Variants in INPP5A observed in about 807,000 individuals in gnomAD.
INPP5A encodes the protein inositol polyphosphate-5-phosphatase A.
INPP5A carries 14 observed loss-of-function variants against 65.2 expected under a neutral mutation model. The ratio of observed to expected loss-of-function variants is 0.21; its 90% confidence interval spans 0.14 to 0.34. The LOEUF is 0.34. INPP5A is among the 10% of genes least tolerant of loss of function. The pLI, the probability that INPP5A is intolerant of heterozygous loss-of-function variation, is 1.00. For synonymous variants in INPP5A, 207 were observed against 208.3 expected (o/e 0.99, Z 0.05); for missense variants, 431 against 545.6 (o/e 0.79, Z 2.09).
At position 132,543,000 on chromosome 10, in the gene INPP5A, G is replaced by T. The variant is rs144896963; in HGVS notation, c.75+4829G>T. Among the ~76,000 whole-genome samples, 656 of 152,084 alleles carry T rather than the reference G, an allele frequency of 4.3e-3. 2 individuals carry two copies. The highest frequency in any genetic ancestry group is 0.015 in the African/African-American group (630 of 41,478). On this transcript the variant is annotated intron_variant, in intron 1 of 15. Transcript: ENST00000368594. ...TTATTTTTATTTTTTGTAGAGATGG[G>T]GTCTTGCTGTGTTGCCCAGACTGGG...
intron 4 of INPP5A, among the ~76,000 whole-genome samples, chr10:132,664,614 G>C (rs1590907033): frequency 6.6e-6 from 1 of 152,332 alleles, no homozygotes; most frequent in South Asian, 2.1e-4. Context: ...GGGTGGCTGG[G>C]CCTCTGAGTG....
Position 132,676,800 on chromosome 10 carries a change from C to G in INPP5A, c.307-13592C>G, listed in dbSNP as rs958428907. On this transcript the variant is annotated intron_variant, in intron 4 of 15. Coordinates refer to ENST00000368594, the MANE Select transcript of INPP5A (RefSeq NM_005539.5). This position sits in a 1 kb window ranked among gnomAD's most constrained non-coding sequence, Gnocchi z 4.0. ...CACTGACTGCTGGCTCTCACCTGCT[C>G]CTGTCTCTCCACAGTAGTAGCCTCA... 4.6e-5 allele frequency among the ~76,000 whole-genome samples: 7 copies of G among 152,218 alleles called. No individual in the cohort carries two copies. Among genetic ancestry groups the G allele is most frequent in the African/African-American group, 1.4e-4 (6 of 41,452 alleles).
At position 132,657,708 on chromosome 10, in the gene INPP5A, A is replaced by C. The variant is rs184451569; in HGVS notation, c.306+7203A>C. On this transcript the variant is annotated intron_variant, in intron 4 of 15. Coordinates refer to ENST00000368594, the MANE Select transcript of INPP5A (RefSeq NM_005539.5). ...AAGACTTTAGGGAGAATTTATGGAA[A>C]ATTGATGGAGTTTACGGATGTTCTT... 3.2e-3 allele frequency among the ~76,000 whole-genome samples: 490 copies of C among 152,340 alleles called. 1 individual carries two copies. The highest frequency in any genetic ancestry group is 0.011 in the African/African-American group (474 of 41,570).
intron 12 of INPP5A, 112 bp downstream of exon 12, chr10:132,765,958 G>A (rs1846834617): frequency 2.8e-6 from 2 of 723,784 alleles, no homozygotes; most frequent in Admixed American, 1.9e-5. Context: ...CTGGGCATGA[G>A]TGTGTGCATT....
Position 132,729,373 on chromosome 10 carries a change from A to T in INPP5A, c.732+2468A>T, listed in dbSNP as rs1181807405. Among the ~76,000 whole-genome samples, 3 of 152,114 alleles carry T rather than the reference A, an allele frequency of 2.0e-5. No individual in the cohort carries two copies. In the East Asian group the frequency reaches 5.8e-4, roughly 29 times the overall value. ...TCACTGTCAGCAGTGTTTTTTGATC[A>T]CCAAGATCAGTCCTATTTCTTAAAG... On this transcript the variant is annotated intron_variant, in intron 9 of 15. Transcript: ENST00000368594.
At chr10:132,780,472 G>A (rs567209115) in intron 13 of INPP5A, among the ~76,000 whole-genome samples, 9 of 152,372 alleles carry the variant, frequency 5.9e-5, no homozygotes, top group South Asian at 2.1e-4. Flanking sequence ...AAGCTGGGGC[G>A]CACACACTCC....
intron 8 of INPP5A, among the ~76,000 whole-genome samples, chr10:132,713,578 A>G (rs537880808): frequency 8.5e-5 from 13 of 152,060 alleles, no homozygotes; most frequent in African/African-American, 3.1e-4. Flanking sequence ...GTGGCCCCTT[A>G]TCCCCTCTGA....
Position 132,707,274 on chromosome 10 carries a change from A to G in INPP5A, c.475-1039A>G, listed in dbSNP as rs1845551575. On this transcript the variant is annotated intron_variant, in intron 6 of 15. Coordinates refer to ENST00000368594, the MANE Select transcript of INPP5A (RefSeq NM_005539.5). The surrounding 1 kb of genome is among the most constrained non-coding windows in gnomAD (Gnocchi z 5.5). The stretch of plus-strand genomic sequence containing the variant: ...GTCCACCTCCGCCCCCGATGGCGCC[A>G]GGCATATGGCTGCTGCTGGGAACGG... Among the ~76,000 whole-genome samples the G allele has an allele frequency of 6.6e-6, 1 of 152,136 alleles. No individual in the cohort carries two copies. Among genetic ancestry groups the G allele is most frequent in the Non-Finnish European group, 1.5e-5 (1 of 68,034 alleles).
chr10:132,669,580 G>A (rs1054811510), intron 4 of INPP5A, among the ~76,000 whole-genome samples: 4 of 152,174 alleles, frequency 2.6e-5, no homozygotes, highest in Admixed American at 1.3e-4. Context: ...GCTTAGCTGC[G>A]TCCTTGAAAG....
chr10:132,640,135 T>C lies in INPP5A; in HGVS notation c.118-5733T>C, dbSNP rs1441638408. Among the ~76,000 whole-genome samples the C allele has an allele frequency of 4.6e-5, 7 of 152,370 alleles. No homozygotes were observed. The East Asian group carries it at 5.8e-4, about 13-fold the overall frequency. ...ATTCCGATAACTCAGGGTTGTGTCC[T>C]GGTCATTGTGGATGCTGCGTTGTAT... On this transcript the variant is annotated intron_variant, in intron 2 of 15. Coordinates refer to ENST00000368594, the MANE Select transcript of INPP5A (RefSeq NM_005539.5).
Position 132,551,940 on chromosome 10 carries a change from G to C in INPP5A, c.75+13769G>C, listed in dbSNP as rs889969496. 6.6e-6 allele frequency among the ~76,000 whole-genome samples: 1 copy of C among 152,270 alleles called. No homozygotes were observed. The highest frequency in any genetic ancestry group is 2.4e-5 in the African/African-American group (1 of 41,476). On this transcript the variant is annotated intron_variant, in intron 1 of 15. Coordinates refer to ENST00000368594, the MANE Select transcript of INPP5A (RefSeq NM_005539.5). The surrounding 1 kb of genome is among the most constrained non-coding windows in gnomAD (Gnocchi z 5.3). The stretch of plus-strand genomic sequence containing the variant: ...ACCTGGCAGTACCCCCCACACAGGG[G>C]TCCAGGTGTCCTCTGATTCTGCTGT...
At chr10:132,624,480 G>A (rs1013549560) in intron 2 of INPP5A, among the ~76,000 whole-genome samples, 4 of 125,642 alleles carry the variant, frequency 3.2e-5, no homozygotes, top group East Asian at 2.4e-4. Flanking sequence ...ACTTCCCACC[G>A]GCGTGTCTGC....
chr10:132,617,555 A>T lies in INPP5A; in HGVS notation c.117+9599A>T, dbSNP rs1247516324. Among the ~76,000 whole-genome samples, 3 of 152,200 alleles carry T rather than the reference A, an allele frequency of 2.0e-5. No individual in the cohort carries two copies. The East Asian group carries it at 5.8e-4, about 29-fold the overall frequency. ...TGTTACCTGCTCGTGTGGCCAGTGC[A>T]GATCTTGAATCCTCAGACTGCAGGT... On this transcript the variant is annotated intron_variant, in intron 2 of 15. Transcript: ENST00000368594.
chr10:132,587,545 C>T lies in INPP5A; in HGVS notation c.76-20370C>T, dbSNP rs1019425768. On this transcript the variant is annotated intron_variant, in intron 1 of 15. Transcript: ENST00000368594. This position sits in a 1 kb window ranked among gnomAD's most constrained non-coding sequence, Gnocchi z 4.3. ...GAGCTGTTGGGACGCGGGGAGCAGGCGAAATTTCTGGGCCAATGTTTAAAC... is the reference window on the plus strand; with the variant it reads ...GAGCTGTTGGGACGCGGGGAGCAGGTGAAATTTCTGGGCCAATGTTTAAAC... 1.3e-5 allele frequency among the ~76,000 whole-genome samples: 2 copies of T among 152,170 alleles called. No homozygotes were observed. Among genetic ancestry groups the T allele is most frequent in the South Asian group, 2.1e-4 (1 of 4,832 alleles).
intron 4 of INPP5A, among the ~76,000 whole-genome samples, chr10:132,661,871 C>A (rs1386429243): frequency 6.6e-6 from 1 of 152,156 alleles, no homozygotes; most frequent in Admixed American, 6.5e-5. Flanking sequence ...TAGAAAGTGG[C>A]CCACTATTGA....
intron 1 of INPP5A, among the ~76,000 whole-genome samples, chr10:132,602,336 C>T (rs1310400315): frequency 1.3e-5 from 2 of 152,182 alleles, no homozygotes; most frequent in Admixed American, 1.3e-4. Context: ...CGTTCTGTCA[C>T]CTAGGCTGAA....
At position 132,555,423 on chromosome 10, in the gene INPP5A, G is replaced by A. The variant is rs548294408; in HGVS notation, c.75+17252G>A. 2.2e-4 allele frequency among the ~76,000 whole-genome samples: 33 copies of A among 152,118 alleles called. No homozygotes were observed. The highest frequency in any genetic ancestry group is 3.2e-4 in the Non-Finnish European group (22 of 68,016). ...GAACTTCTGATAAGTTGCCTGGCCG[G>A]AAGGGGAAGAAGGGGGGCTTGGGCT... On this transcript the variant is annotated intron_variant, in intron 1 of 15. Transcript: ENST00000368594. This position sits in a 1 kb window ranked among gnomAD's most constrained non-coding sequence, Gnocchi z 4.4.
At chr10:132,539,372 T>G (rs1226026009) in intron 1 of INPP5A, among the ~76,000 whole-genome samples, 1 of 152,210 alleles carries the variant, frequency 6.6e-6, no homozygotes, top group Admixed American at 6.5e-5. Context: ...TCTTGTTTAT[T>G]GAAGAAAAAG....
chr10:132,625,020 A>C (rs1482510482), intron 2 of INPP5A, among the ~76,000 whole-genome samples: 6 of 138,244 alleles, frequency 4.3e-5, no homozygotes, highest in African/African-American at 5.4e-5. Context: ...GCCACAGTCC[A>C]CTCTCCTTGG....
Sources: allele counts gnomAD v4.1 joint callset (sites outside exome capture counted in the v4.1 genomes callset), GRCh38; gene constraint gnomAD v4.1.1; non-coding constraint Gnocchi (gnomAD v3.1); transcripts MANE v1.5; gene names NCBI Gene and HGNC (gene_info 2026-07-23, HGNC 2026-07-21).